Variants in SMARCC1 observed in about 807,000 individuals in gnomAD.
SMARCC1 encodes SWI/SNF related BAF chromatin remodeling complex subunit C1.
In SMARCC1, 43 loss-of-function variants were observed where a neutral mutation model predicts 147.4. The observed-to-expected ratio is 0.29, with a 90% CI of 0.23 to 0.38. The LOEUF is 0.38. Ranked by LOEUF, SMARCC1 falls within the 10% of genes least tolerant of loss-of-function variation. SMARCC1 has a pLI of 1.00. For synonymous variants in SMARCC1, 495 were observed against 484.4 expected (o/e 1.02, Z -0.29); for missense variants, 1,119 against 1,381.1 (o/e 0.81, Z 3.01).
chr3:47,749,623 C>T (rs1271145147), intron 2 of SMARCC1, among the ~76,000 whole-genome samples: 2 of 90,030 alleles, frequency 2.2e-5, no homozygotes, highest in African/African-American at 6.4e-5. Flanking sequence ...GCTGTGACCA[C>T]ACCACCGCAC....
At chr3:47,660,807 T>C (rs151041113) in intron 21 of SMARCC1, among the ~76,000 whole-genome samples, 376 of 152,280 alleles carry the variant, frequency 2.5e-3, no homozygotes, top group South Asian at 7.0e-3. Context: ...TAGATAGTGG[T>C]GATAGACACA....
intron 13 of SMARCC1, 49 bp from the exon 14 acceptor site, chr3:47,686,219 G>C: frequency 6.8e-7 from 1 of 1,469,792 alleles, no homozygotes; most frequent in Non-Finnish European, 9.4e-7. Context: ...TACAGAGAGA[G>C]ATATATATAA....
chr3:47,738,181 T>G, intron 3 of SMARCC1, 71 bp from the exon 4 acceptor site: 2 of 978,630 alleles, frequency 2.0e-6, no homozygotes. Context: ...GGTTTTAGAA[T>G]TCGATGCAAA....
At position 47,610,077 on chromosome 3, in the gene SMARCC1, G is replaced by A. The variant is rs1171647098; in HGVS notation, c.3032C>T (p.Pro1011Leu). The A allele has an allele frequency of 1.2e-6, 2 of 1,612,338 alleles. No homozygotes were observed. The highest frequency in any genetic ancestry group is 2.7e-5 in the African/African-American group (2 of 74,882). The change falls in exon 26 of 28, where the codon CCA becomes CTA. Residue 1011 changes from proline (P) to leucine (L), a missense_variant. Physicochemically the swap from Pro to Leu is moderately conservative, Grantham distance 98. Coordinates refer to ENST00000254480, the MANE Select transcript of SMARCC1 (RefSeq NM_003074.4). ...LMHHQMPPPH[P>L]PQPGQIPGPG... ...GGCCTTCCTCTTACCTGGCTGGGGT[G>A]GATGAGGTGGTGGCATCTGGTGGTG...
chr3:47,629,676 G>C (rs568583102), intron 24 of SMARCC1, among the ~76,000 whole-genome samples: 1 of 152,236 alleles, frequency 6.6e-6, no homozygotes, highest in South Asian at 2.1e-4. Flanking sequence ...TATAGAGAAT[G>C]ATGGTAGCCA....
chr3:47,677,402 T>C (rs1018354674), intron 16 of SMARCC1, among the ~76,000 whole-genome samples: 1 of 24,694 alleles, frequency 4.0e-5, no homozygotes, highest in African/African-American at 7.5e-5. Context: ...TGCCTGGCCG[T>C]TTTTTTTTTT....
chr3:47,678,298 G>A lies in SMARCC1; in HGVS notation c.1471C>T (p.Arg491Ter), dbSNP rs1305235278. The A allele has an allele frequency of 1.3e-6, 2 of 1,578,800 alleles. No individual in the cohort carries two copies. The highest frequency in any genetic ancestry group is 1.7e-6 in the Non-Finnish European group (2 of 1,159,340). Residue 491 changes from arginine (R) to a stop codon, truncating the protein, a stop_gained, in exon 16 of 28, where the codon CGA becomes TGA. Coordinates refer to ENST00000254480, the MANE Select transcript of SMARCC1 (RefSeq NM_003074.4). LOFTEE classifies it high-confidence loss of function. ...CGATACGTGTCAATCATAAAATTTCGATATGCCAAGTATCTAAAAAGCAAT... is the reference window on the plus strand; with the variant it reads ...CGATACGTGTCAATCATAAAATTTCAATATGCCAAGTATCTAAAAAGCAAT... ...SKTPEIYLAY[R>*]NFMIDTYRLN...
chr3:47,671,888 T>C (rs137875316), intron 18 of SMARCC1, among the ~76,000 whole-genome samples: 73 of 152,256 alleles, frequency 4.8e-4, no homozygotes, highest in Admixed American at 9.2e-4. Context: ...TAATTAAAAC[T>C]CTCAGTGCAT....
chr3:47,610,249 C>T lies in SMARCC1; in HGVS notation c.2860G>A (p.Ala954Thr), dbSNP rs1216431072. Residue 954 changes from alanine to threonine, a missense_variant, in exon 26 of 28, where the codon GCA becomes ACA. Physicochemically the swap from Ala to Thr is moderately conservative, Grantham distance 58. This residue lies in a region of SMARCC1 where 186 missense variants were observed against 216.5 expected (regional missense o/e 0.86). Transcript: ENST00000254480. ...TGCTGCTGTTCCATTTGCTGTCGTG[C>T]TCGTAATTCAGCATACTTCAGCTGT... ...MEQLKYAELRARQQMEQQQHG... is the reference protein window; with the variant it reads ...MEQLKYAELRTRQQMEQQQHG... The T allele has an allele frequency of 6.2e-7, 1 of 1,614,196 alleles. No homozygotes were observed. Among genetic ancestry groups the T allele is most frequent in the Admixed American group, 1.7e-5 (1 of 60,022 alleles).
intron 21 of SMARCC1, among the ~76,000 whole-genome samples, chr3:47,658,760 A>G (rs1443593084): frequency 6.6e-6 from 1 of 152,342 alleles, no homozygotes; most frequent in Non-Finnish European, 1.5e-5. Flanking sequence ...ATAAATTCCT[A>G]TAAGACACAA....
At position 47,587,862 on chromosome 3, in the gene SMARCC1, A is replaced by C. The variant is rs1238627135; in HGVS notation, c.*347T>G. ...CATAGAAGCATAAGACAAAGCAAAA[A>C]ACTGCAAGAGAGCAAAAATGGTAAA... On this transcript the variant is annotated 3_prime_UTR_variant, in exon 28 of 28. Transcript: ENST00000254480. 4.0e-6 allele frequency: 1 copy of C among 247,800 alleles called. No homozygotes were observed. The highest frequency in any genetic ancestry group is 1.1e-4 in the East Asian group (1 of 9,098). The allele number at this position is 247,800 out of a possible 1,614,324, so 15.4% of individuals were successfully genotyped here. A position where few individuals can be genotyped will look rare whatever the true frequency, so the allele number is the denominator to read the frequency against.
chr3:47,768,236 C>G (rs1021229262), intron 2 of SMARCC1, among the ~76,000 whole-genome samples: 1 of 152,174 alleles, frequency 6.6e-6, no homozygotes, highest in Non-Finnish European at 1.5e-5. Flanking sequence ...AATTATCTAT[C>G]TCATCGAATT....
At chr3:47,651,527 C>T (rs145045349) in intron 21 of SMARCC1, among the ~76,000 whole-genome samples, 2 of 152,314 alleles carry the variant, frequency 1.3e-5, no homozygotes, top group African/African-American at 4.8e-5. Flanking sequence ...TTTACACTGG[C>T]TTCTGCCAAT....
intron 19 of SMARCC1, among the ~76,000 whole-genome samples, chr3:47,669,172 A>C (rs2033464458): frequency 6.6e-6 from 1 of 152,234 alleles, no homozygotes; most frequent in Non-Finnish European, 1.5e-5. Context: ...AACACTTCAC[A>C]GATTCCACCT....
intron 25 of SMARCC1, among the ~76,000 whole-genome samples, chr3:47,619,931 T>G (rs889964490): frequency 6.6e-6 from 1 of 152,210 alleles, no homozygotes; most frequent in African/African-American, 2.4e-5. Context: ...GAGGACTTGC[T>G]TGGACTGGCC....
chr3:47,688,630 C>T (rs536948159), intron 13 of SMARCC1, among the ~76,000 whole-genome samples: 1 of 152,244 alleles, frequency 6.6e-6, no homozygotes, highest in African/African-American at 2.4e-5. Context: ...ATTGAGGTAT[C>T]GCTACAGCAG....
chr3:47,686,461 C>T (rs2033724956), intron 13 of SMARCC1, among the ~76,000 whole-genome samples: 1 of 152,130 alleles, frequency 6.6e-6, no homozygotes, highest in South Asian at 2.1e-4. Context: ...TTTCAATGCA[C>T]AGGACTTCAG....
intron 24 of SMARCC1, among the ~76,000 whole-genome samples, chr3:47,624,240 G>A (rs563840149): frequency 2.6e-5 from 4 of 151,992 alleles, no homozygotes; most frequent in African/African-American, 9.7e-5. Flanking sequence ...GCAGTGAGCC[G>A]AGATCCCTCC....
chr3:47,708,891 C>T (rs375014266), intron 9 of SMARCC1, among the ~76,000 whole-genome samples: 15 of 152,184 alleles, frequency 9.9e-5, no homozygotes, highest in East Asian at 1.9e-4. Context: ...CCTCCTACCT[C>T]GGCCTCCGAA....
Sources: gnomAD v4.1 joint callset for allele counts (sites outside exome capture counted in the v4.1 genomes callset) on GRCh38, gnomAD v4.1.1 for gene constraint, gnomAD v4.1.1 regional missense constraint, MANE v1.5 for transcripts, NCBI Gene and HGNC (gene_info 2026-07-23, HGNC 2026-07-21) for gene names.